The following FAM184B variants were observed in gnomAD, a reference collection of about 807,000 sequenced individuals.
FAM184B encodes the protein family with sequence similarity 184 member B.
A neutral mutation model predicts 135.9 loss-of-function variants in FAM184B; 111 were observed. That is an observed-to-expected ratio of 0.82 (90% CI 0.70 to 0.96). The LOEUF (loss-of-function observed/expected upper bound fraction) is 0.96. Ranked by LOEUF, FAM184B falls within the 40% of genes least tolerant of loss-of-function variation. The pLI is 0.00. For missense variants in FAM184B, 1,375 were observed against 1,323.9 expected, an observed-to-expected ratio of 1.04 and a Z score of -0.60; for synonymous variants, 552 against 524.8, an observed-to-expected ratio of 1.05 and a Z score of -0.71.
chr4:17,718,340 T>C (rs1047880784), intron 1 of FAM184B, among the ~76,000 whole-genome samples: 3 of 152,112 alleles, frequency 2.0e-5, no homozygotes, highest in Admixed American at 2.0e-4. Flanking sequence ...AATCATACCT[T>C]GTTTAGAAAA....
intron 1 of FAM184B, 34 bp from the exon 2 acceptor site, chr4:17,709,678 AG>A: frequency 6.8e-7 from 1 of 1,461,936 alleles, no homozygotes; most frequent in Non-Finnish European, 9.0e-7. Context: ...AGTTAGGGTG[AG>A]GGGGCTGGGG....
At chr4:17,747,553 AG>A (rs1718193331) in intron 1 of FAM184B, among the ~76,000 whole-genome samples, 1 of 152,114 alleles carries the variant, frequency 6.6e-6, no homozygotes, top group Non-Finnish European at 1.5e-5. Flanking sequence ...GCACTTTGGG[AG>A]GCCGAGGTGG....
At chr4:17,707,600 T>C in intron 3 of FAM184B, 49 bp downstream of exon 3, 2 of 1,546,054 alleles carry the variant, frequency 1.3e-6, no homozygotes, top group Non-Finnish European at 1.7e-6. Context: ...CAGACCAACC[T>C]GGCAGCTAAC....
intron 1 of FAM184B, among the ~76,000 whole-genome samples, chr4:17,768,864 G>A (rs1055692360): frequency 2.0e-5 from 3 of 151,542 alleles, no homozygotes; most frequent in Non-Finnish European, 4.4e-5. Flanking sequence ...GAGTGCAATG[G>A]CATTATCTCA....
intron 11 of FAM184B, among the ~76,000 whole-genome samples, chr4:17,648,099 ATGG>A (rs1715516166): frequency 6.6e-6 from 1 of 152,120 alleles, no homozygotes; most frequent in East Asian, 1.9e-4. Flanking sequence ...CAGCTATTAA[ATGG>A]TGGAGTTGAG....
chr4:17,660,114 C>A (rs1471420187), intron 8 of FAM184B, 27 bp from the exon 9 acceptor site: 3 of 1,550,264 alleles, frequency 1.9e-6, no homozygotes, highest in Admixed American at 2.0e-5. Context: ...GCCACAATCA[C>A]AAAAGATCCT....
chr4:17,655,004 A>G (rs1372116300), intron 10 of FAM184B, among the ~76,000 whole-genome samples: 1 of 151,516 alleles, frequency 6.6e-6, no homozygotes, highest in Non-Finnish European at 1.5e-5. Context: ...GATGCTCACT[A>G]CTCCACCTGG....
At chr4:17,677,014 A>G (rs984322385) in intron 7 of FAM184B, among the ~76,000 whole-genome samples, 14 of 152,198 alleles carry the variant, frequency 9.2e-5, no homozygotes, top group Non-Finnish European at 8.8e-5. Flanking sequence ...TCACAATTGA[A>G]CTTGACCGTG....
chr4:17,719,898 C>T (rs1237411473), intron 1 of FAM184B, among the ~76,000 whole-genome samples: 1 of 152,160 alleles, frequency 6.6e-6, no homozygotes, highest in Non-Finnish European at 1.5e-5. Context: ...TTCATCTGTT[C>T]AACTTTTCAG....
chr4:17,669,675 C>A (rs1716127369), intron 7 of FAM184B, among the ~76,000 whole-genome samples: 1 of 152,130 alleles, frequency 6.6e-6, no homozygotes, highest in African/African-American at 2.4e-5. Flanking sequence ...GAAGCTATAG[C>A]CCTCTAACGA....
chr4:17,730,271 G>C (rs1717745448), intron 1 of FAM184B, among the ~76,000 whole-genome samples: 1 of 152,158 alleles, frequency 6.6e-6, no homozygotes, highest in African/African-American at 2.4e-5. Context: ...TATGTGAAAA[G>C]GCCAAATCTA....
chr4:17,649,186 A>G (rs1399036288), intron 11 of FAM184B, among the ~76,000 whole-genome samples: 1 of 152,228 alleles, frequency 6.6e-6, no homozygotes, highest in East Asian at 1.9e-4. Context: ...ATGAGGTGAT[A>G]AAAGTGTATT....
At chr4:17,766,173 T>C (rs1011783690) in intron 1 of FAM184B, among the ~76,000 whole-genome samples, 2 of 152,350 alleles carry the variant, frequency 1.3e-5, no homozygotes, top group East Asian at 3.9e-4. Flanking sequence ...TTCCCTTATC[T>C]GGCCACACCC....
chr4:17,774,197 T>C (rs1408417785), intron 1 of FAM184B, among the ~76,000 whole-genome samples: 1 of 151,966 alleles, frequency 6.6e-6, no homozygotes. Flanking sequence ...AGCAACATAG[T>C]GAGACCTCGT....
chr4:17,724,408 G>A (rs1717597082), intron 1 of FAM184B, among the ~76,000 whole-genome samples: 1 of 152,192 alleles, frequency 6.6e-6, no homozygotes, highest in African/African-American at 2.4e-5. Context: ...ACAGCCCTGG[G>A]AGAAGAAACA....
At chr4:17,678,122 G>T (rs1716356823) in intron 7 of FAM184B, among the ~76,000 whole-genome samples, 1 of 152,192 alleles carries the variant, frequency 6.6e-6, no homozygotes, top group Non-Finnish European at 1.5e-5. Context: ...AAACAAGGTT[G>T]CCCACTCTCA....
intron 1 of FAM184B, among the ~76,000 whole-genome samples, chr4:17,738,242 G>T (rs553811150): frequency 6.6e-6 from 1 of 152,146 alleles, no homozygotes; most frequent in East Asian, 2.0e-4. Context: ...AGGGTTGGAA[G>T]GGTATGAATT....
At chr4:17,715,671 T>G (rs1214131187) in intron 1 of FAM184B, among the ~76,000 whole-genome samples, 7 of 152,134 alleles carry the variant, frequency 4.6e-5, no homozygotes, top group African/African-American at 1.4e-4. Context: ...GATAAGCATG[T>G]GGGGTAATGC....
At chr4:17,661,501 G>A (rs1008958868) in intron 8 of FAM184B, among the ~76,000 whole-genome samples, 1 of 151,814 alleles carries the variant, frequency 6.6e-6, no homozygotes, top group Non-Finnish European at 1.5e-5. Flanking sequence ...GCAGCGAGCC[G>A]AGATCACACC....
Sources: gnomAD v4.1 joint callset for allele counts (sites outside exome capture counted in the v4.1 genomes callset) on GRCh38, gnomAD v4.1.1 for gene constraint, MANE v1.5 for transcripts, NCBI Gene and HGNC (gene_info 2026-07-23, HGNC 2026-07-21) for gene names.